TCERG1L: variants seen among roughly 807,000 people sequenced by gnomAD.
The protein encoded by TCERG1L is transcription elongation regulator 1 like, also known as transcription elongation regulator 1-like protein.
Under a neutral mutation model 56.3 loss-of-function variants are expected in TCERG1L, and 37 were observed. The ratio of observed to expected loss-of-function variants is 0.66; its 90% CI spans 0.51 to 0.87. The LOEUF (loss-of-function observed/expected upper bound fraction) is 0.87. Among genes scored for constraint, TCERG1L ranks in the 40% least tolerant of loss-of-function variants. The pLI, the probability that TCERG1L is intolerant of heterozygous loss-of-function variation, is 0.00. For synonymous variants in TCERG1L, 324 were observed against 326.3 expected (o/e 0.99, Z 0.08); for missense variants, 799 against 774.2 (o/e 1.03, Z -0.38).
intron 4 of TCERG1L, among the ~76,000 whole-genome samples, chr10:131,235,274 T>C (rs1292682305): frequency 6.6e-6 from 1 of 152,242 alleles, no homozygotes; most frequent in African/African-American, 2.4e-5. Context: ...GAAAGACTTA[T>C]ATTTCACGTT....
At chr10:131,164,367 T>C (rs1475123246) in intron 5 of TCERG1L, among the ~76,000 whole-genome samples, 2 of 152,272 alleles carry the variant, frequency 1.3e-5, no homozygotes, top group East Asian at 3.9e-4. Context: ...CCTTTAGCCA[T>C]ATGGATGTAT....
intron 10 of TCERG1L, among the ~76,000 whole-genome samples, chr10:131,102,730 C>G (rs997820879): frequency 5.3e-5 from 8 of 152,166 alleles, no homozygotes; most frequent in African/African-American, 1.7e-4. Flanking sequence ...TGACCGCACA[C>G]ATGGAGTCTA....
intron 11 of TCERG1L, among the ~76,000 whole-genome samples, chr10:131,096,411 T>C (rs1845246604): frequency 2.0e-5 from 3 of 151,726 alleles, no homozygotes; most frequent in Non-Finnish European, 4.4e-5. Context: ...TTGTCTACAT[T>C]AGCACTTGTG....
chr10:131,147,468 C>T (rs890561842), intron 6 of TCERG1L, among the ~76,000 whole-genome samples: 2 of 152,328 alleles, frequency 1.3e-5, no homozygotes, highest in Admixed American at 6.5e-5. Context: ...CACGAGCAAG[C>T]GCGGCAGATA....
chr10:131,132,173 C>T (rs190907094), intron 8 of TCERG1L, among the ~76,000 whole-genome samples: 1 of 152,248 alleles, frequency 6.6e-6, no homozygotes, highest in East Asian at 1.9e-4. Flanking sequence ...TGAATGAATG[C>T]GCAGGACGGG....
intron 8 of TCERG1L, among the ~76,000 whole-genome samples, chr10:131,133,032 A>G (rs1845635678): frequency 6.6e-6 from 1 of 152,104 alleles, no homozygotes; most frequent in Admixed American, 6.5e-5. Context: ...TCTTCTTTGC[A>G]TTGTTTCTGA....
At chr10:131,246,019 T>C (rs1846032492) in intron 4 of TCERG1L, among the ~76,000 whole-genome samples, 1 of 152,104 alleles carries the variant, frequency 6.6e-6, no homozygotes. Context: ...TGTCGGGTCT[T>C]CTGGAAACAC....
At chr10:131,190,432 A>AACCT (rs1201215691) in intron 4 of TCERG1L, among the ~76,000 whole-genome samples, 3 of 146,094 alleles carry the variant, frequency 2.1e-5, no homozygotes, top group Non-Finnish European at 3.0e-5. Flanking sequence ...TGAAGCTAGT[A>AACCT]TCACCCTTTT....
intron 8 of TCERG1L, among the ~76,000 whole-genome samples, chr10:131,117,524 C>T (rs1845471423): frequency 6.6e-6 from 1 of 152,238 alleles, no homozygotes; most frequent in Non-Finnish European, 1.5e-5. Context: ...AATGGGATCA[C>T]CCAGGGGCCC....
chr10:131,154,199 G>C (rs887793669), intron 6 of TCERG1L, among the ~76,000 whole-genome samples: 14 of 152,112 alleles, frequency 9.2e-5, no homozygotes, highest in Non-Finnish European at 1.3e-4. Context: ...ATTTAAGTCT[G>C]GTACAGTACA....
intron 4 of TCERG1L, among the ~76,000 whole-genome samples, chr10:131,185,513 T>C (rs905583422): frequency 6.6e-6 from 1 of 152,190 alleles, no homozygotes; most frequent in East Asian, 1.9e-4. Context: ...GTATCCAGAA[T>C]ATGCAAAGAA....
intron 4 of TCERG1L, among the ~76,000 whole-genome samples, chr10:131,182,443 C>T (rs1845190895): frequency 6.6e-6 from 1 of 152,200 alleles, no homozygotes; most frequent in African/African-American, 2.4e-5. Context: ...AAAACATCCT[C>T]TTTGATAGAA....
intron 4 of TCERG1L, among the ~76,000 whole-genome samples, chr10:131,259,821 A>G (rs1846214523): frequency 6.6e-6 from 1 of 152,222 alleles, no homozygotes; most frequent in Non-Finnish European, 1.5e-5. Flanking sequence ...AGGCATGCCA[A>G]GTGGACTGCC....
At chr10:131,167,397 C>T (rs921479862) in intron 4 of TCERG1L, among the ~76,000 whole-genome samples, 6 of 152,248 alleles carry the variant, frequency 3.9e-5, no homozygotes, top group African/African-American at 7.2e-5. Flanking sequence ...ATTGTGGGGC[C>T]CCCAGTGCGC....
intron 3 of TCERG1L, among the ~76,000 whole-genome samples, chr10:131,275,738 T>C (rs1846385807): frequency 6.6e-6 from 1 of 152,088 alleles, no homozygotes; most frequent in Non-Finnish European, 1.5e-5. Context: ...AATTAAAAAT[T>C]ATCTTTAAAA....
intron 10 of TCERG1L, 128 bp downstream of exon 10, chr10:131,104,137 G>A (rs557067175): frequency 4.5e-5 from 28 of 623,928 alleles, no homozygotes; most frequent in African/African-American, 2.7e-4. Flanking sequence ...TCACAAGCTC[G>A]CAAGCCACTG....
chr10:131,135,436 C>T (rs10829917), intron 7 of TCERG1L, among the ~76,000 whole-genome samples: 38,833 of 152,140 alleles, frequency 0.26, 5,493 homozygotes, highest in East Asian at 0.33. Flanking sequence ...TTTCAACAAT[C>T]GCAGGGGCCT....
At chr10:131,129,885 C>G (rs1336317949) in intron 8 of TCERG1L, among the ~76,000 whole-genome samples, 1 of 152,080 alleles carries the variant, frequency 6.6e-6, no homozygotes, top group African/African-American at 2.4e-5. Flanking sequence ...GGCCTGTTTT[C>G]CATGGTGGCA....
chr10:131,239,536 C>G (rs1240909669), intron 4 of TCERG1L, among the ~76,000 whole-genome samples: 1 of 152,206 alleles, frequency 6.6e-6, no homozygotes, highest in Admixed American at 6.5e-5. Context: ...ATCTCAACAC[C>G]ACGCTGCACG....
Sources: gnomAD v4.1 joint callset for allele counts (sites outside exome capture counted in the v4.1 genomes callset) on GRCh38, gnomAD v4.1.1 for gene constraint, MANE v1.5 for transcripts, NCBI Gene and HGNC (gene_info 2026-07-23, HGNC 2026-07-21) for gene names.